Variants in PCDH17 observed in about 807,000 individuals in gnomAD.
The protein encoded by PCDH17 is protocadherin 17.
In PCDH17, 21 loss-of-function variants were observed where a neutral mutation model predicts 67.7. The ratio of observed to expected loss-of-function variants is 0.31; its 90% CI spans 0.22 to 0.45. The LOEUF (loss-of-function observed/expected upper bound fraction) is 0.45. Ranked by LOEUF, PCDH17 falls within the 20% of genes least tolerant of loss-of-function variation. The probability of loss-of-function intolerance (pLI) is 1.00; values close to 1 mark genes in which losing one functional copy is unlikely to be tolerated. For missense variants in PCDH17, 1,471 were observed against 1,564.8 expected (o/e 0.94, Z 1.01); for synonymous variants, 701 against 656.7 (o/e 1.07, Z -1.03).
intron 1 of PCDH17, among the ~76,000 whole-genome samples, chr13:57,656,706 T>C (rs1455773186): frequency 6.6e-6 from 1 of 152,074 alleles, no homozygotes; most frequent in Non-Finnish European, 1.5e-5. Context: ...GGCTGAGAGA[T>C]AGCAAAAAAC....
At chr13:57,717,882 A>G (rs1048069585) in intron 3 of PCDH17, among the ~76,000 whole-genome samples, 3 of 151,950 alleles carry the variant, frequency 2.0e-5, no homozygotes, top group Admixed American at 6.6e-5. Flanking sequence ...TTAAATTTAT[A>G]ATTCTTTATG....
chr13:57,679,285 G>A (rs998437908), intron 3 of PCDH17, among the ~76,000 whole-genome samples: 5 of 150,502 alleles, frequency 3.3e-5, no homozygotes, highest in Admixed American at 2.0e-4. Flanking sequence ...TATCGACTAC[G>A]AAGACACATT....
intron 3 of PCDH17, among the ~76,000 whole-genome samples, chr13:57,710,217 GTTT>G (rs1280360443): frequency 6.6e-6 from 1 of 151,822 alleles, no homozygotes; most frequent in African/African-American, 2.4e-5. Flanking sequence ...GAATAACTGT[GTTT>G]CACCTGAGAA....
chr13:57,686,393 C>A (rs1955508277), intron 3 of PCDH17, among the ~76,000 whole-genome samples: 1 of 151,790 alleles, frequency 6.6e-6, no homozygotes, highest in Admixed American at 6.6e-5. Context: ...AGGAAACCAT[C>A]AAAAATATAA....
At chr13:57,683,658 G>A (rs1329091984) in intron 3 of PCDH17, among the ~76,000 whole-genome samples, 1 of 151,784 alleles carries the variant, frequency 6.6e-6, no homozygotes, top group Non-Finnish European at 1.5e-5. Context: ...CTTATCCTGT[G>A]AGTAAATATA....
At chr13:57,707,884 T>C (rs1195435210) in intron 3 of PCDH17, among the ~76,000 whole-genome samples, 1 of 152,038 alleles carries the variant, frequency 6.6e-6, no homozygotes, top group Non-Finnish European at 1.5e-5. Context: ...GACACAAGTC[T>C]TTGGATTAAG....
At chr13:57,687,989 T>C (rs955710659) in intron 3 of PCDH17, among the ~76,000 whole-genome samples, 1 of 152,064 alleles carries the variant, frequency 6.6e-6, no homozygotes, top group Non-Finnish European at 1.5e-5. Flanking sequence ...AGAGAGACTG[T>C]CAATTTGTAA....
At chr13:57,668,661 G>T (rs1160565499) in intron 3 of PCDH17, among the ~76,000 whole-genome samples, 3 of 152,074 alleles carry the variant, frequency 2.0e-5, no homozygotes, top group African/African-American at 4.8e-5. Flanking sequence ...TTTAAAAAAT[G>T]CCAAAGATGG....
chr13:57,695,324 A>G (rs774215579), intron 3 of PCDH17, among the ~76,000 whole-genome samples: 7 of 151,230 alleles, frequency 4.6e-5, no homozygotes, highest in Non-Finnish European at 1.0e-4. Flanking sequence ...ACTTTCATTT[A>G]GCAATTTTAG....
At chr13:57,715,875 G>A (rs1346613138) in intron 3 of PCDH17, among the ~76,000 whole-genome samples, 1 of 151,888 alleles carries the variant, frequency 6.6e-6, no homozygotes, top group African/African-American at 2.4e-5. Flanking sequence ...TAGAGGAAGA[G>A]GGAAGAAAGA....
chr13:57,648,272 C>T (rs1172415897), intron 1 of PCDH17, among the ~76,000 whole-genome samples: 1 of 151,716 alleles, frequency 6.6e-6, no homozygotes, highest in East Asian at 1.9e-4. Flanking sequence ...TGTAATAAAC[C>T]TATTATCTTT....
At chr13:57,696,842 T>C (rs979312527) in intron 3 of PCDH17, among the ~76,000 whole-genome samples, 3 of 151,544 alleles carry the variant, frequency 2.0e-5, no homozygotes, top group Non-Finnish European at 4.4e-5. Flanking sequence ...CTAAAGTTTT[T>C]GTCTGTGTTA....
intron 1 of PCDH17, among the ~76,000 whole-genome samples, chr13:57,654,890 A>G (rs1287867791): frequency 3.3e-5 from 5 of 151,932 alleles, no homozygotes; most frequent in Non-Finnish European, 7.4e-5. Flanking sequence ...AAATTTGGAA[A>G]TATCTTTTCC....
chr13:57,660,055 CAAA>C (rs1341225359), intron 1 of PCDH17, among the ~76,000 whole-genome samples: 1 of 151,752 alleles, frequency 6.6e-6, no homozygotes, highest in Non-Finnish European at 1.5e-5. Context: ...GGCAACTTGG[CAAA>C]ACCCCGTCTA....
chr13:57,689,320 C>T (rs531688301), intron 3 of PCDH17, among the ~76,000 whole-genome samples: 1 of 152,070 alleles, frequency 6.6e-6, no homozygotes, highest in South Asian at 2.1e-4. Flanking sequence ...GCATTTCCTA[C>T]TTGTCTGGCA....
chr13:57,633,455 C>A lies in PCDH17; in HGVS notation c.909C>A (p.Ile303=), dbSNP rs758196082. Residue 303 remains isoleucine (I), a synonymous_variant, in exon 1 of 4, where the codon ATC becomes ATA. Coordinates refer to ENST00000377918, the MANE Select transcript of PCDH17 (RefSeq NM_001040429.3). This position sits in a 1 kb window ranked among gnomAD's most constrained non-coding sequence, Gnocchi z 6.2. ...CCATCGACCCCAAGACCGGCCTAATCCGTGTGAAGGGCAATCTGGACTATG... is the reference window on the plus strand; with the variant it reads ...CCATCGACCCCAAGACCGGCCTAATACGTGTGAAGGGCAATCTGGACTATG... The part of the protein sequence containing the change: ...LFSIDPKTGL[I]RVKGNLDYEE... The A allele has an allele frequency of 6.2e-7, 1 of 1,613,712 alleles. No homozygotes were observed. The highest frequency in any genetic ancestry group is 1.1e-5 in the South Asian group (1 of 91,086).
chr13:57,719,827 CA>C (rs889161233), intron 3 of PCDH17, among the ~76,000 whole-genome samples: 3 of 151,962 alleles, frequency 2.0e-5, no homozygotes, highest in Non-Finnish European at 4.4e-5. Flanking sequence ...GAGCTTTCCA[CA>C]ATAACTATGT....
intron 3 of PCDH17, among the ~76,000 whole-genome samples, chr13:57,719,244 C>A (rs1383354343): frequency 6.6e-6 from 1 of 152,000 alleles, no homozygotes; most frequent in African/African-American, 2.4e-5. Flanking sequence ...ATACCAACTA[C>A]CACAGTAATA....
At chr13:57,644,202 A>G (rs1433124103) in intron 1 of PCDH17, among the ~76,000 whole-genome samples, 1 of 151,634 alleles carries the variant, frequency 6.6e-6, no homozygotes, top group Non-Finnish European at 1.5e-5. Flanking sequence ...CTATATGGTC[A>G]TAAGGATGGA....
Sources: gnomAD v4.1 joint callset for allele counts (sites outside exome capture counted in the v4.1 genomes callset) on GRCh38, gnomAD v4.1.1 for gene constraint, Gnocchi (gnomAD v3.1) non-coding constraint, MANE v1.5 for transcripts, NCBI Gene and HGNC (gene_info 2026-07-23, HGNC 2026-07-21) for gene names.